Variants in TMPRSS2 observed in about 807,000 individuals in gnomAD.
TMPRSS2 encodes the protein transmembrane protease serine 2.
In TMPRSS2, 59 loss-of-function variants were observed where a neutral mutation model predicts 67.4. The ratio of observed to expected loss-of-function variants is 0.88; its 90% CI spans 0.71 to 1.09. The LOEUF is 1.09. Ranked by LOEUF, TMPRSS2 falls within the 50% of genes least tolerant of loss-of-function variation. The pLI is 0.00. For synonymous variants in TMPRSS2, 257 were observed against 257.0 expected, an observed-to-expected ratio of 1.00 and a Z score of 0.00; for missense variants, 668 against 642.7, an observed-to-expected ratio of 1.04 and a Z score of -0.43.
intron 3 of TMPRSS2, among the ~76,000 whole-genome samples, chr21:41,492,908 C>T (rs112658510): frequency 2.6e-5 from 4 of 152,300 alleles, no homozygotes; most frequent in African/African-American, 9.6e-5. Context: ...ACAGACAGTT[C>T]CTTATCCCCT....
rs745954931 is a variant in TMPRSS2, at chr21:41,471,835, A to G, written c.1046T>C (p.Met349Thr). ...GAAAGTCAGAGGCTTCTGCAGCTTC[A>G]TCAGCGCAATGTCATTGTTCTTGGT... Reference protein sequence around the residue: ...SKTKNNDIALMKLQKPLTFND... With the variant: ...SKTKNNDIALTKLQKPLTFND... The change falls in exon 10 of 14, where the codon ATG becomes ACG. Residue 349 changes from methionine (M) to threonine (T), a missense_variant. Physicochemically the swap from Met to Thr is moderately conservative, Grantham distance 81 (BLOSUM62 -1). Transcript: ENST00000332149. The G allele has an allele frequency of 1.9e-6, 3 of 1,609,870 alleles. No individual in the cohort carries two copies. The highest frequency in any genetic ancestry group is 2.5e-6 in the Non-Finnish European group (3 of 1,177,172).
rs759250613 is a variant in TMPRSS2 at position 41,480,554 on chromosome 21, C to T, written c.494G>A (p.Arg165Lys). The T allele has an allele frequency of 7.4e-6, 12 of 1,613,722 alleles. No individual in the cohort carries two copies. Among genetic ancestry groups the T allele is most frequent in the African/African-American group, 1.3e-5 (1 of 74,932 alleles). Residue 165 changes from arginine (R) to lysine (K), a missense_variant, in exon 6 of 14, where the codon AGG becomes AAG. Arg to Lys is a conservative substitution (Grantham distance 26). Coordinates refer to ENST00000332149, the MANE Select transcript of TMPRSS2 (RefSeq NM_005656.4). Reference sequence around the variant, plus strand: ...TTGGCACACAGGGTGCCAGGACTTCCTCTGAGATGAGTACACCTGAAGGAT... The same window carrying T: ...TTGGCACACAGGGTGCCAGGACTTCTTCTGAGATGAGTACACCTGAAGGAT... ...NFILQVYSSQ[R>K]KSWHPVCQDD...
rs541351488 is a variant in TMPRSS2 at position 41,467,759 on chromosome 21, G to A, written c.1442C>T (p.Thr481Met). ...PGVYGNVMVF[T>M]DWIYRQMRAD... ...CCTCATTTGTCGATAAATCCAGTCCGTGAATACCATCACATTCCCGTACAC... is the reference window on the plus strand; with the variant it reads ...CCTCATTTGTCGATAAATCCAGTCCATGAATACCATCACATTCCCGTACAC... The change falls in exon 13 of 14, where the codon ACG becomes ATG. Residue 481 changes from threonine to methionine, a missense_variant. Thr to Met is a moderately conservative substitution (Grantham distance 81, BLOSUM62 -1). Coordinates refer to ENST00000332149, the MANE Select transcript of TMPRSS2 (RefSeq NM_005656.4). 1.4e-5 allele frequency: 23 copies of A among 1,614,164 alleles called. No individual in the cohort carries two copies. The highest frequency in any genetic ancestry group is 8.8e-5 in the South Asian group (8 of 91,082).
At chr21:41,467,606 A>G (rs1601558904) in intron 13 of TMPRSS2, 128 bp downstream of exon 13, 2 of 1,077,114 alleles carry the variant, frequency 1.9e-6, no homozygotes, top group Admixed American at 2.2e-5. Context: ...GGCTGGAGGA[A>G]GCAGAGTTTG....
At chr21:41,469,600 A>C (rs1360837518) in intron 11 of TMPRSS2, among the ~76,000 whole-genome samples, 1 of 152,024 alleles carries the variant, frequency 6.6e-6, no homozygotes, top group African/African-American at 2.4e-5. Context: ...TTTGAGTCTC[A>C]GCTCAAATGC....
At chr21:41,499,426 C>CA (rs2091408376) in intron 1 of TMPRSS2, among the ~76,000 whole-genome samples, 1 of 152,104 alleles carries the variant, frequency 6.6e-6, no homozygotes, top group Non-Finnish European at 1.5e-5. Context: ...CCAGTTTTAG[C>CA]AAAAAACCTT....
chr21:41,488,567 C>G (rs3819138), intron 4 of TMPRSS2, 54 bp from the exon 5 acceptor site: 207,722 of 1,559,402 alleles, frequency 0.13, 15,643 homozygotes, highest in Non-Finnish European at 0.15. Context: ...CGCAATGAGC[C>G]TCATGGAGTG....
chr21:41,502,788 A>G (rs1470604639), intron 1 of TMPRSS2, among the ~76,000 whole-genome samples: 1 of 152,218 alleles, frequency 6.6e-6, no homozygotes, highest in African/African-American at 2.4e-5. Context: ...AGATCACCTT[A>G]GGAGAGGTAT....
rs1391456196 is a variant in TMPRSS2 at position 41,465,882 on chromosome 21, C to T, written c.*260G>A. The T allele has an allele frequency of 1.8e-6, 1 of 553,684 alleles. No individual in the cohort carries two copies. Among genetic ancestry groups the T allele is most frequent in the African/African-American group, 1.9e-5 (1 of 52,046 alleles). 34.3% of individuals were successfully genotyped at this position (553,684 alleles called of 1,614,324 possible). On this transcript the variant is annotated 3_prime_UTR_variant, in exon 14 of 14. Coordinates refer to ENST00000332149, the MANE Select transcript of TMPRSS2 (RefSeq NM_005656.4). The stretch of plus-strand genomic sequence containing the variant: ...TCTCAATGGGGCAGCCTCCACCCCT[C>T]TCCTCCACACTTGACCGCCAGTGCC...
chr21:41,488,265 G>T, intron 5 of TMPRSS2, 129 bp downstream of exon 5: 1 of 1,120,224 alleles, frequency 8.9e-7, no homozygotes. Flanking sequence ...GCCTGGAGCA[G>T]GGATTCAATG....
chr21:41,479,809 G>A (rs1221393043), intron 6 of TMPRSS2, among the ~76,000 whole-genome samples: 1 of 152,158 alleles, frequency 6.6e-6, no homozygotes, highest in Non-Finnish European at 1.5e-5. Context: ...CAAAGTGGCA[G>A]TAGCATCCTA....
intron 11 of TMPRSS2, chr21:41,468,871 C>T (rs1276062747): frequency 7.4e-6 from 2 of 270,628 alleles, no homozygotes; most frequent in East Asian, 1.3e-4. Context: ...TTTCCCACTC[C>T]TCACTGAACC....
chr21:41,476,770 T>C, intron 7 of TMPRSS2, 150 bp from the exon 8 acceptor site: 1 of 722,038 alleles, frequency 1.4e-6, no homozygotes, highest in Non-Finnish European at 2.4e-6. Context: ...ATAAGGTAAG[T>C]AAATCCATAT....
chr21:41,488,900 T>TA (rs1397349078), intron 4 of TMPRSS2, among the ~76,000 whole-genome samples: 1 of 152,142 alleles, frequency 6.6e-6, no homozygotes, highest in African/African-American at 2.4e-5. Flanking sequence ...CTTGGCCTCT[T>TA]AAAGTGCTGG....
Position 41,464,510 on chromosome 21 carries a change from G to C in TMPRSS2, c.*1632C>G. On this transcript the variant is annotated 3_prime_UTR_variant, in exon 14 of 14. Coordinates refer to ENST00000332149, the MANE Select transcript of TMPRSS2 (RefSeq NM_005656.4). ...ATCACCCCCTTATAAGGAAATGGAG[G>C]CTGGTCCTACTCACCAGGCAGAACT... is the stretch of plus-strand genomic sequence containing the variant. The C allele has an allele frequency of 4.9e-6, 1 of 202,140 alleles. No homozygotes were observed. The allele number at this position is 202,140 out of a possible 1,614,324, so 12.5% of individuals were successfully genotyped here. A position where few individuals can be genotyped will look rare whatever the true frequency, so the allele number is the denominator to read the frequency against.
chr21:41,476,766 T>C, intron 7 of TMPRSS2, 146 bp from the exon 8 acceptor site: 1 of 739,660 alleles, frequency 1.4e-6, no homozygotes, highest in South Asian at 1.6e-5. Context: ...TCCAATAAGG[T>C]AAGTAAATCC....
intron 5 of TMPRSS2, among the ~76,000 whole-genome samples, chr21:41,483,793 A>AC (rs2091275880): frequency 7.4e-6 from 1 of 134,818 alleles, no homozygotes. Flanking sequence ...AAATATTAGG[A>AC]TTTTTTTTCT....
At chr21:41,500,389 G>T (rs901436235) in intron 1 of TMPRSS2, among the ~76,000 whole-genome samples, 2 of 152,166 alleles carry the variant, frequency 1.3e-5, no homozygotes, top group African/African-American at 4.8e-5. Flanking sequence ...GTTTGCCTTC[G>T]GTAAGTATTC....
chr21:41,484,634 G>GTCAT (rs2091281927), intron 5 of TMPRSS2, among the ~76,000 whole-genome samples: 1 of 152,156 alleles, frequency 6.6e-6, no homozygotes, highest in South Asian at 2.1e-4. Context: ...AATCAATATG[G>GTCAT]AAACTGGATA....
Sources: allele counts gnomAD v4.1 joint callset (sites outside exome capture counted in the v4.1 genomes callset), GRCh38; gene constraint gnomAD v4.1.1; transcripts MANE v1.5; gene names NCBI Gene and HGNC (gene_info 2026-07-23, HGNC 2026-07-21).